Variants in PPEF2 observed in about 807,000 individuals in gnomAD.
PPEF2 encodes protein phosphatase with EF-hand domain 2.
Under a neutral mutation model 84.7 loss-of-function variants are expected in PPEF2, and 84 were observed. That is an observed-to-expected ratio of 0.99 (90% CI 0.83 to 1.19). The LOEUF is 1.19. Ranked by LOEUF, PPEF2 falls within the 50% of genes most tolerant of loss-of-function variation. The probability of loss-of-function intolerance (pLI) is 0.00; values close to 1 mark genes in which losing one functional copy is unlikely to be tolerated. For missense variants in PPEF2, 924 were observed against 937.5 expected (o/e 0.99, Z 0.19); for synonymous variants, 346 against 345.2 (o/e 1.00, Z -0.03).
intron 13 of PPEF2, among the ~76,000 whole-genome samples, chr4:75,867,691 A>G (rs906318427): frequency 2.6e-5 from 4 of 152,182 alleles, no homozygotes; most frequent in Non-Finnish European, 5.9e-5. Flanking sequence ...CCTTTGCTTC[A>G]GTTTTCCCAC....
chr4:75,885,652 T>A (rs1243079123), intron 7 of PPEF2, among the ~76,000 whole-genome samples: 1 of 152,020 alleles, frequency 6.6e-6, no homozygotes, highest in African/African-American at 2.4e-5. Context: ...TCACTTGAGC[T>A]CAGGGGTTCA....
intron 16 of PPEF2, among the ~76,000 whole-genome samples, chr4:75,861,130 G>A (rs188726382): frequency 5.8e-4 from 89 of 152,190 alleles, no homozygotes; most frequent in Non-Finnish European, 1.2e-3. Context: ...CCTCCCTCCA[G>A]GGGACATTTG....
chr4:75,894,773 C>A (rs1341298099), intron 2 of PPEF2, among the ~76,000 whole-genome samples: 2 of 152,142 alleles, frequency 1.3e-5, no homozygotes, highest in Non-Finnish European at 2.9e-5. Flanking sequence ...GCCTACCGGC[C>A]CCTGTGGTAG....
At chr4:75,891,143 TG>T (rs1442923686) in intron 4 of PPEF2, among the ~76,000 whole-genome samples, 1 of 150,274 alleles carries the variant, frequency 6.7e-6, no homozygotes, top group Non-Finnish European at 1.5e-5. Flanking sequence ...ATCATGCCAC[TG>T]CACTCCAGCC....
At chr4:75,890,677 G>A (rs1724856155) in intron 4 of PPEF2, among the ~76,000 whole-genome samples, 1 of 152,034 alleles carries the variant, frequency 6.6e-6, no homozygotes, top group Admixed American at 6.6e-5. Context: ...GACTTAGAGA[G>A]TACAGAAATT....
chr4:75,895,743 A>AT (rs36116517), intron 2 of PPEF2, among the ~76,000 whole-genome samples: 20,750 of 149,944 alleles, frequency 0.14, 1,581 homozygotes, highest in Non-Finnish European at 0.18. Context: ...AAAAAAAAAA[A>AT]TTTTTTTTTT....
intron 1 of PPEF2, among the ~76,000 whole-genome samples, chr4:75,896,872 C>CCTTTGTTT (rs1553909387): frequency 6.7e-6 from 1 of 148,908 alleles, no homozygotes; most frequent in Non-Finnish European, 1.5e-5. Context: ...ATAGGCCACA[C>CCTTTGTTT]CTTTCTTTCT....
rs1422923679 is a variant in PPEF2, at chr4:75,860,820, G to T, written c.2109C>A (p.Ser703Arg). The change falls in exon 17 of 17, where the codon AGC (serine) becomes AGA (arginine). Residue 703 changes from serine to arginine, a missense_variant. Coordinates refer to ENST00000286719, the MANE Select transcript of PPEF2 (RefSeq NM_006239.3). The part of the protein sequence containing the change: ...TDDCICDLAR[S>R]IDFNKDGHID... ...TGTGGCCATCTTTGTTGAAATCAAT[G>T]CTCCGAGCAAGGTCACAGATGCAGT... 2 of 1,614,246 alleles carry T rather than the reference G, an allele frequency of 1.2e-6. No individual in the cohort carries two copies. Among genetic ancestry groups the T allele is most frequent in the East Asian group, 2.2e-5 (1 of 44,890 alleles).
At chr4:75,883,138 GA>G (rs1560484864) in intron 9 of PPEF2, 27 bp downstream of exon 9, 1 of 1,613,812 alleles carries the variant, frequency 6.2e-7, no homozygotes, top group Admixed American at 1.7e-5. Context: ...TGAACTGAGA[GA>G]AACTTTTGTC....
At chr4:75,879,663 G>A (rs1406833880) in intron 10 of PPEF2, among the ~76,000 whole-genome samples, 1 of 152,024 alleles carries the variant, frequency 6.6e-6, no homozygotes, top group African/African-American at 2.4e-5. Flanking sequence ...TTCTATCTTT[G>A]TTAGGAGACT....
Position 75,876,006 on chromosome 4 carries a change from A to G in PPEF2, c.1320+281T>C, listed in dbSNP as rs567656703. Among the ~76,000 whole-genome samples, 24 of 152,254 alleles carry G rather than the reference A, an allele frequency of 1.6e-4. No homozygotes were observed. The East Asian group carries it at 4.1e-3, about 26-fold the overall frequency. On this transcript the variant is annotated intron_variant, in intron 11 of 16. Coordinates refer to ENST00000286719, the MANE Select transcript of PPEF2 (RefSeq NM_006239.3). The stretch of plus-strand genomic sequence containing the variant: ...ACTGACACATTAAAAAAAATAGCAC[A>G]CAATAGCATCCAACAAATCATAGCT...
At chr4:75,899,282 T>C (rs553558279) in intron 1 of PPEF2, among the ~76,000 whole-genome samples, 1 of 152,330 alleles carries the variant, frequency 6.6e-6, no homozygotes, top group East Asian at 1.9e-4. Flanking sequence ...AGGTTGATTC[T>C]ATGTCTTGGC....
At chr4:75,871,334 T>A (rs1413607746) in intron 13 of PPEF2, among the ~76,000 whole-genome samples, 1 of 152,200 alleles carries the variant, frequency 6.6e-6, no homozygotes, top group African/African-American at 2.4e-5. Flanking sequence ...AAAGAACCTC[T>A]GGCTGTGGCT....
At chr4:75,873,364 C>A in intron 11 of PPEF2, 52 bp from the exon 12 acceptor site, 1 of 1,458,256 alleles carries the variant, frequency 6.9e-7, no homozygotes, top group Non-Finnish European at 9.3e-7. Flanking sequence ...ACATATTCAT[C>A]CACAGTCATT....
intron 16 of PPEF2, among the ~76,000 whole-genome samples, chr4:75,862,135 A>C (rs1312407168): frequency 2.6e-5 from 4 of 151,512 alleles, no homozygotes; most frequent in Admixed American, 2.6e-4. Flanking sequence ...TCTACTAAAA[A>C]TACAAAAATT....
chr4:75,886,382 C>A (rs1391971295), intron 7 of PPEF2, among the ~76,000 whole-genome samples: 1 of 152,124 alleles, frequency 6.6e-6, no homozygotes. Context: ...CGGGTGCGGC[C>A]GGAAAGGCGG....
Position 75,889,972 on chromosome 4 carries a change from T to A in PPEF2, c.402A>T (p.Ala134=). 1 of 1,614,180 alleles carries A rather than the reference T, an allele frequency of 6.2e-7. No homozygotes were observed. Among genetic ancestry groups the A allele is most frequent in the Non-Finnish European group, 8.5e-7 (1 of 1,180,024 alleles). Reference sequence around the variant, plus strand: ...GTGAGCTTACTTGTTTCAGTCTGAATGCTTCTACCAGGGCAGTTGCATGGT... The same window carrying A: ...GTGAGCTTACTTGTTTCAGTCTGAAAGCTTCTACCAGGGCAGTTGCATGGT... ...LPDHATALVE[A]FRLKQQLHAR... is the part of the protein sequence containing the mutation. The change falls in exon 5 of 17, where the codon GCA becomes GCT. Residue 134 remains alanine, a synonymous_variant. Coordinates refer to ENST00000286719, the MANE Select transcript of PPEF2 (RefSeq NM_006239.3).
rs138414113 is a variant in PPEF2 at position 75,891,895 on chromosome 4, T to C, written c.139A>G (p.Ile47Val). The change falls in exon 3 of 17, where the codon ATC (isoleucine) becomes GTC (valine). Residue 47 changes from isoleucine (I) to valine (V), a missense_variant. Physicochemically the swap from Ile to Val is conservative, Grantham distance 29 (BLOSUM62 3). Transcript: ENST00000286719. The stretch of plus-strand genomic sequence containing the variant: ...CCAGCATATTCTATAGACTGGAAGA[T>C]GCTCCAGGTGCAACGCCGCCTCATC... ...LEMRRRCTWSIFQSIEYAGQQ... is the reference protein window; with the variant it reads ...LEMRRRCTWSVFQSIEYAGQQ... The C allele has an allele frequency of 5.6e-6, 9 of 1,614,104 alleles. No homozygotes were observed. The highest frequency in any genetic ancestry group is 7.6e-6 in the Non-Finnish European group (9 of 1,179,966).
At chr4:75,863,985 G>A (rs1177337342) in intron 16 of PPEF2, among the ~76,000 whole-genome samples, 1 of 151,306 alleles carries the variant, frequency 6.6e-6, no homozygotes, top group Non-Finnish European at 1.5e-5. Flanking sequence ...CAATTCTCCT[G>A]CCTCAGCCTC....
Sources: gnomAD v4.1 joint callset for allele counts (sites outside exome capture counted in the v4.1 genomes callset) on GRCh38, gnomAD v4.1.1 for gene constraint, MANE v1.5 for transcripts, NCBI Gene and HGNC (gene_info 2026-07-23, HGNC 2026-07-21) for gene names.